The following CSMD3 variants were observed in gnomAD, a reference collection of about 807,000 sequenced individuals.
The protein encoded by CSMD3 is CUB and Sushi multiple domains 3, also known as CUB and sushi domain-containing protein 3.
In CSMD3, 177 loss-of-function variants were observed where a neutral mutation model predicts 435.2. That is an observed-to-expected ratio of 0.41 (90% CI 0.36 to 0.46). The LOEUF is 0.46. Among genes scored for constraint, CSMD3 ranks in the 20% least tolerant of loss-of-function variants. CSMD3 has a pLI of 0.34. For missense variants in CSMD3, 4,265 were observed against 4,504.6 expected, an observed-to-expected ratio of 0.95 and a Z score of 1.52; for synonymous variants, 1,656 against 1,520.5, an observed-to-expected ratio of 1.09 and a Z score of -2.07.
chr8:112,685,531 G>A lies in CSMD3; in HGVS notation c.2357C>T (p.Pro786Leu), dbSNP rs150314286. The A allele has an allele frequency of 5.8e-5, 93 of 1,613,920 alleles. No individual in the cohort carries two copies. The African/African-American group carries it at 1.0e-3, about 18-fold the overall frequency. ...AVKDGDSPES[P>L]ILGTFTGAEV... is the part of the protein sequence containing the mutation. ...AGCCCCAGTAAAGGTTCCAAGAATTGGGGATTCTGGAGAGTCACCATCTTT... is the reference window on the plus strand; with the variant it reads ...AGCCCCAGTAAAGGTTCCAAGAATTAGGGATTCTGGAGAGTCACCATCTTT... The change falls in exon 15 of 71, where the codon CCA becomes CTA. Residue 786 changes from proline to leucine, a missense_variant. Physicochemically the swap from Pro to Leu is moderately conservative, Grantham distance 98. Around this residue, in one of 3 missense-constraint regions of CSMD3, gnomAD observed 279 missense variants for 369.0 expected, o/e 0.76. Transcript: ENST00000297405.
chr8:113,404,459 C>T (rs2094523805), intron 1 of CSMD3, among the ~76,000 whole-genome samples: 1 of 151,342 alleles, frequency 6.6e-6, no homozygotes, highest in Non-Finnish European at 1.5e-5. Context: ...GTCTTTTTCT[C>T]TCTCTGCCTA....
At chr8:112,674,912 G>A (rs1013664485) in intron 16 of CSMD3, among the ~76,000 whole-genome samples, 3 of 152,080 alleles carry the variant, frequency 2.0e-5, no homozygotes, top group Non-Finnish European at 2.9e-5. Flanking sequence ...GTTATAGATA[G>A]ATGAATGATA....
intron 5 of CSMD3, among the ~76,000 whole-genome samples, chr8:113,053,146 T>C (rs1268977555): frequency 6.6e-6 from 1 of 152,046 alleles, no homozygotes; most frequent in Admixed American, 6.6e-5. Flanking sequence ...GTTTAACAAG[T>C]CCTTCTCAGG....
At chr8:113,269,915 T>C (rs1269217864) in intron 3 of CSMD3, among the ~76,000 whole-genome samples, 1 of 151,838 alleles carries the variant, frequency 6.6e-6, no homozygotes, top group Admixed American at 6.6e-5. Context: ...AAGGACTTCA[T>C]GTCTAAAACA....
chr8:112,326,752 A>C (rs573278681), intron 45 of CSMD3, among the ~76,000 whole-genome samples: 134 of 152,316 alleles, frequency 8.8e-4, no homozygotes, highest in Non-Finnish European at 1.6e-3. Context: ...ACAGTAGCTC[A>C]TGCCTGCAAT....
Position 112,841,549 on chromosome 8 carries a change from A to G in CSMD3, c.1756-11760T>C, listed in dbSNP as rs191130881. On this transcript the variant is annotated intron_variant, in intron 11 of 70. Coordinates refer to ENST00000297405, the MANE Select transcript of CSMD3 (RefSeq NM_198123.2). The stretch of plus-strand genomic sequence containing the variant: ...ATTGTCTATTTAAAGTGCTAACTAG[A>G]AGCTTCCTGATGTTAGCACATTTGT... Among the ~76,000 whole-genome samples, 3 of 151,962 alleles carry G rather than the reference A, an allele frequency of 2.0e-5. No homozygotes were observed. In the East Asian group the frequency reaches 5.8e-4, roughly 29 times the overall value.
At chr8:112,534,903 C>A (rs2131095819) in intron 27 of CSMD3, among the ~76,000 whole-genome samples, 1 of 151,760 alleles carries the variant, frequency 6.6e-6, no homozygotes, top group South Asian at 2.1e-4. Flanking sequence ...TGTAATCCAG[C>A]ATATAAACGG....
chr8:112,402,385 G>T (rs1303389231), intron 35 of CSMD3, among the ~76,000 whole-genome samples: 1 of 152,096 alleles, frequency 6.6e-6, no homozygotes, highest in Admixed American at 6.6e-5. Context: ...TATACAAACA[G>T]AACCTTTAAG....
At chr8:112,246,262 T>G (rs555465243) in intron 64 of CSMD3, among the ~76,000 whole-genome samples, 1 of 152,302 alleles carries the variant, frequency 6.6e-6, no homozygotes, top group South Asian at 2.1e-4. Flanking sequence ...TAGAGTAAAT[T>G]CACAGGGCTT....
Position 112,319,976 on chromosome 8 carries a change from G to T in CSMD3, c.7171C>A (p.Gln2391Lys). 6.2e-7 allele frequency: 1 copy of T among 1,608,322 alleles called. No individual in the cohort carries two copies. Among genetic ancestry groups the T allele is most frequent in the South Asian group, 1.1e-5 (1 of 90,972 alleles). The change falls in exon 46 of 71, where the codon CAA (glutamine) becomes AAA (lysine). Residue 2391 changes from glutamine (Q) to lysine (K), a missense_variant. Around this residue, in one of 3 missense-constraint regions of CSMD3, gnomAD observed 3,255 missense variants for 3,380.2 expected, o/e 0.96. Coordinates refer to ENST00000297405, the MANE Select transcript of CSMD3 (RefSeq NM_198123.2). ...GGTGGAGGTTGGCACACCCTTAGTT[G>T]ATAGGCTACAAAAATAAACAAAGTG... ...GFFVLSYHAY[Q>K]LRVCQPPPPV... is the part of the protein sequence containing the mutation.
intron 4 of CSMD3, among the ~76,000 whole-genome samples, chr8:113,114,879 A>G (rs2090775622): frequency 6.6e-6 from 1 of 152,224 alleles, no homozygotes; most frequent in Non-Finnish European, 1.5e-5. Flanking sequence ...GTTTGCAAAA[A>G]GCATCAAGTG....
At chr8:113,089,738 A>G (rs1211507801) in intron 5 of CSMD3, among the ~76,000 whole-genome samples, 2 of 152,192 alleles carry the variant, frequency 1.3e-5, no homozygotes, top group Admixed American at 6.6e-5. Context: ...TTTCTTTATC[A>G]TGCCCTTTGT....
intron 24 of CSMD3, among the ~76,000 whole-genome samples, chr8:112,561,024 C>A (rs1375670988): frequency 6.6e-6 from 1 of 151,504 alleles, no homozygotes; most frequent in African/African-American, 2.4e-5. Flanking sequence ...TGGATATATT[C>A]TTTGTAAATT....
intron 3 of CSMD3, among the ~76,000 whole-genome samples, chr8:113,228,915 C>T (rs72687668): frequency 0.066 from 9,960 of 151,506 alleles, 446 homozygotes; most frequent in Non-Finnish European, 0.094. Flanking sequence ...TAATTTAGTG[C>T]CCATCCATGC....
chr8:112,765,216 AAC>A (rs1289614753), intron 13 of CSMD3, among the ~76,000 whole-genome samples: 3 of 151,630 alleles, frequency 2.0e-5, no homozygotes, highest in African/African-American at 7.3e-5. Context: ...TTTTGAGAAA[AAC>A]AGGGAAATCA....
intron 1 of CSMD3, among the ~76,000 whole-genome samples, chr8:113,421,683 C>G (rs867185101): frequency 5.3e-5 from 8 of 152,202 alleles, no homozygotes; most frequent in African/African-American, 1.9e-4. Flanking sequence ...TCCCATCCTC[C>G]TCTTCCCCTA....
At chr8:112,502,773 A>G (rs1401862154) in intron 30 of CSMD3, among the ~76,000 whole-genome samples, 1 of 152,160 alleles carries the variant, frequency 6.6e-6, no homozygotes, top group Non-Finnish European at 1.5e-5. Context: ...ACTCTATATA[A>G]TTTTCCATTA....
chr8:113,007,102 C>T (rs576402935), intron 6 of CSMD3, among the ~76,000 whole-genome samples: 1 of 152,074 alleles, frequency 6.6e-6, no homozygotes, highest in South Asian at 2.1e-4. Context: ...TGTCCCTCTT[C>T]TTTCCTTATA....
chr8:113,111,505 C>G (rs2090638618), intron 4 of CSMD3, among the ~76,000 whole-genome samples: 1 of 152,054 alleles, frequency 6.6e-6, no homozygotes, highest in Non-Finnish European at 1.5e-5. Context: ...CCCCTCCGCC[C>G]CCACAATCCA....
Sources: allele counts gnomAD v4.1 joint callset (sites outside exome capture counted in the v4.1 genomes callset), GRCh38; gene constraint gnomAD v4.1.1; regional missense constraint gnomAD v4.1.1; transcripts MANE v1.5; gene names NCBI Gene and HGNC (gene_info 2026-07-23, HGNC 2026-07-21).